The following DLC1 variants were observed in gnomAD, a reference collection of about 807,000 sequenced individuals.
DLC1 encodes the protein DLC1 Rho GTPase activating protein, also known as rho GTPase-activating protein 7.
Under a neutral mutation model 140.3 loss-of-function variants are expected in DLC1, and 54 were observed. The observed-to-expected ratio is 0.38, with a 90% CI of 0.31 to 0.48. The LOEUF (loss-of-function observed/expected upper bound fraction) is 0.48, where lower values mean the gene tolerates loss of function less well. Among genes scored for constraint, DLC1 ranks in the 20% least tolerant of loss-of-function variants. The pLI is 0.96. For synonymous variants in DLC1, 986 were observed against 728.1 expected, an observed-to-expected ratio of 1.35 and a Z score of -5.70; for missense variants, 2,536 against 1,907.0, an observed-to-expected ratio of 1.33 and a Z score of -6.14.
chr8:13,587,434 A>G (rs73665151), intron 1 of DLC1, among the ~76,000 whole-genome samples: 2,449 of 152,026 alleles, frequency 0.016, 67 homozygotes, highest in African/African-American at 0.057. Flanking sequence ...TAGAGGAGAC[A>G]TGCATTACAT....
Position 13,084,402 on chromosome 8 carries a change from A to T in DLC1, c.*1409T>A, listed in dbSNP as rs1333265356. ...TCCTTCTTACAGCTCTCATTCATAC[A>T]TTATTCACTTTTGATCCATACACAA... On this transcript the variant is annotated 3_prime_UTR_variant, in exon 18 of 18. Transcript: ENST00000276297. 1 of 152,584 alleles carries T rather than the reference A, an allele frequency of 6.6e-6. No individual in the cohort carries two copies. Among genetic ancestry groups the T allele is most frequent in the Non-Finnish European group, 1.5e-5 (1 of 68,038 alleles). 9.5% of individuals were successfully genotyped at this position (152,584 alleles called of 1,614,324 possible).
Position 13,098,525 on chromosome 8 carries a change from T to C in DLC1, c.3041A>G (p.Asn1014Ser), listed in dbSNP as rs1325184327. The C allele has an allele frequency of 2.5e-6, 4 of 1,614,012 alleles. No individual in the cohort carries two copies. The African/African-American group carries it at 4.0e-5, about 16-fold the overall frequency. ...GCAGTTAATCTGTAGTGATACAGAG[T>C]TGAGGCTTGGCCGATGTGAGCTCTG... ...SFQSSHRPSL[N>S]SVSLQINCQS... Residue 1014 changes from asparagine to serine, a missense_variant, in exon 10 of 18, where the codon AAC becomes AGC. Asn to Ser is a conservative substitution (Grantham distance 46, BLOSUM62 1). Transcript: ENST00000276297.
At chr8:13,380,392 C>T (rs1386708195) in intron 4 of DLC1, among the ~76,000 whole-genome samples, 1 of 152,114 alleles carries the variant, frequency 6.6e-6, no homozygotes, top group East Asian at 1.9e-4. Context: ...GTCGTCTGAC[C>T]ATTTCATGTG....
chr8:13,513,273 G>C (rs1227244131), intron 1 of DLC1, among the ~76,000 whole-genome samples: 1 of 152,014 alleles, frequency 6.6e-6, no homozygotes, highest in Non-Finnish European at 1.5e-5. Context: ...TCCATTTGGA[G>C]ATTTTAATTA....
At chr8:13,343,664 A>T (rs1834178785) in intron 4 of DLC1, among the ~76,000 whole-genome samples, 1 of 152,200 alleles carries the variant, frequency 6.6e-6, no homozygotes, top group Non-Finnish European at 1.5e-5. Flanking sequence ...CTGTGAGTAA[A>T]TGGAGGAATG....
chr8:13,236,960 A>C (rs757255983), intron 5 of DLC1, among the ~76,000 whole-genome samples: 2 of 152,050 alleles, frequency 1.3e-5, no homozygotes, highest in African/African-American at 2.4e-5. Flanking sequence ...ATGAAAAATA[A>C]ATCACTGAAC....
Position 13,442,835 on chromosome 8 carries a change from C to T in DLC1, c.1024-41216G>A, listed in dbSNP as rs2116928900. Among the ~76,000 whole-genome samples, 2 of 152,246 alleles carry T rather than the reference C, an allele frequency of 1.3e-5. 1 individual carries two copies. The highest frequency in any genetic ancestry group is 1.3e-4 in the Admixed American group (2 of 15,290). ...TCTAGAACTAGAAATACCATTTGAC[C>T]CAGCCATCCCATTACTGGGTGTATA... On this transcript the variant is annotated intron_variant, in intron 2 of 17. Coordinates refer to ENST00000276297, the MANE Select transcript of DLC1 (RefSeq NM_182643.3).
chr8:13,125,625 T>G (rs1421005621), intron 5 of DLC1, among the ~76,000 whole-genome samples: 1 of 152,174 alleles, frequency 6.6e-6, no homozygotes, highest in East Asian at 1.9e-4. Flanking sequence ...CATCCCCAGG[T>G]TAGGCCCTTC....
At chr8:13,356,649 C>T (rs575457355) in intron 4 of DLC1, among the ~76,000 whole-genome samples, 11 of 152,192 alleles carry the variant, frequency 7.2e-5, no homozygotes, top group South Asian at 4.1e-4. Context: ...CATTAAATTA[C>T]GAGCTTCTTG....
At chr8:13,457,631 C>T (rs112107195) in intron 2 of DLC1, among the ~76,000 whole-genome samples, 65 of 137,404 alleles carry the variant, frequency 4.7e-4, no homozygotes, top group African/African-American at 1.2e-3. Context: ...GAGCCGAGAT[C>T]GCGCCACTGC....
At chr8:13,498,973 A>T in intron 2 of DLC1, 76 bp downstream of exon 2, 1 of 1,480,946 alleles carries the variant, frequency 6.8e-7, no homozygotes, top group Non-Finnish European at 9.0e-7. Context: ...TTTTTAATCC[A>T]AGCAAAATGA....
At chr8:13,476,088 T>C (rs1800422032) in intron 2 of DLC1, among the ~76,000 whole-genome samples, 1 of 152,230 alleles carries the variant, frequency 6.6e-6, no homozygotes, top group South Asian at 2.1e-4. Context: ...TTAATTGTGA[T>C]GAGGAAAATA....
In DLC1 at chr8:13,499,732, C is replaced by T. The variant is rs1244698124; in HGVS notation, c.340G>A (p.Asp114Asn). The part of the protein sequence containing the change: ...TETLVHVSDE[D>N]NNADLCLTDD... The stretch of plus-strand genomic sequence containing the variant: ...GTAAGGCATAAATCAGCATTGTTAT[C>T]CTCATCAGAAACATGCACTAGTGTT... Residue 114 changes from aspartate (D) to asparagine (N), a missense_variant, in exon 2 of 18, where the codon GAT (aspartate) becomes AAT (asparagine). Transcript: ENST00000276297. 6.2e-7 allele frequency: 1 copy of T among 1,614,132 alleles called. No homozygotes were observed. Among genetic ancestry groups the T allele is most frequent in the East Asian group, 2.2e-5 (1 of 44,874 alleles).
chr8:13,446,606 G>C lies in DLC1; in HGVS notation c.1024-44987C>G, dbSNP rs553636226. On this transcript the variant is annotated intron_variant, in intron 2 of 17. Coordinates refer to ENST00000276297, the MANE Select transcript of DLC1 (RefSeq NM_182643.3). Reference sequence around the variant, plus strand: ...GAGAAAGAAACAAGGAAGGAACGGAGGGAAGGGGAGGAGGAGAGGGAAGGG... The same window carrying C: ...GAGAAAGAAACAAGGAAGGAACGGACGGAAGGGGAGGAGGAGAGGGAAGGG... 2.3e-4 allele frequency among the ~76,000 whole-genome samples: 35 copies of C among 152,098 alleles called. 1 individual carries two copies. The South Asian group carries it at 7.3e-3, about 32-fold the overall frequency.
intron 5 of DLC1, among the ~76,000 whole-genome samples, chr8:13,242,393 G>GTTT (rs201680944): frequency 1.4e-5 from 2 of 146,070 alleles, no homozygotes. Flanking sequence ...CTCCCCATCA[G>GTTT]TTTTTTTTTT....
chr8:13,272,164 T>C (rs972961753), intron 5 of DLC1, among the ~76,000 whole-genome samples: 1 of 152,226 alleles, frequency 6.6e-6, no homozygotes, highest in Non-Finnish European at 1.5e-5. Flanking sequence ...AAGACTAGTA[T>C]TGGCCAGGCC....
intron 1 of DLC1, among the ~76,000 whole-genome samples, chr8:13,543,399 C>T (rs1326868659): frequency 6.6e-6 from 1 of 152,022 alleles, no homozygotes; most frequent in Non-Finnish European, 1.5e-5. Flanking sequence ...TAAAATGTGT[C>T]TTTTTGATAT....
intron 5 of DLC1, among the ~76,000 whole-genome samples, chr8:13,121,155 C>G (rs962133627): frequency 6.6e-6 from 1 of 152,060 alleles, no homozygotes; most frequent in African/African-American, 2.4e-5. Flanking sequence ...TGCAGATTCC[C>G]TGGATTCCCT....
intron 5 of DLC1, among the ~76,000 whole-genome samples, chr8:13,219,098 TTA>T (rs1828395985): frequency 8.2e-6 from 1 of 122,626 alleles, no homozygotes; most frequent in Non-Finnish European, 1.6e-5. Context: ...GTGAATGTAA[TTA>T]TATAATTATA....
Sources: allele counts gnomAD v4.1 joint callset (sites outside exome capture counted in the v4.1 genomes callset), GRCh38; gene constraint gnomAD v4.1.1; transcripts MANE v1.5; gene names NCBI Gene and HGNC (gene_info 2026-07-23, HGNC 2026-07-21).